Variants in ARID1A observed in about 807,000 individuals in gnomAD.
ARID1A encodes the protein AT-rich interaction domain 1A.
In ARID1A, 20 loss-of-function variants were observed where a neutral mutation model predicts 212.6. That is an observed-to-expected ratio of 0.09 (90% confidence interval 0.07 to 0.14). ARID1A has a LOEUF of 0.14. Ranked by LOEUF, ARID1A falls within the 10% of genes least tolerant of loss-of-function variation. The probability of loss-of-function intolerance (pLI) is 1.00; values close to 1 mark genes in which losing one functional copy is unlikely to be tolerated. For missense variants in ARID1A, 2,587 were observed against 3,059.0 expected, an observed-to-expected ratio of 0.85 and a Z score of 3.64; for synonymous variants, 1,376 against 1,222.1, an observed-to-expected ratio of 1.13 and a Z score of -2.63.
chr1:26,780,836 G>T lies in ARID1A; in HGVS notation c.*80G>T. On this transcript the variant is annotated 3_prime_UTR_variant, in exon 20 of 20. Coordinates refer to ENST00000324856, the MANE Select transcript of ARID1A (RefSeq NM_006015.6). The surrounding 1 kb of genome is among the most constrained non-coding windows in gnomAD (Gnocchi z 7.2). ...AAACTGACTGTTGCCCTTTATTTAT[G>T]CAAAACCACCTCAGAATCCAGTTTA... 3 of 1,486,692 alleles carry T rather than the reference G, an allele frequency of 2.0e-6. No individual in the cohort carries two copies. The highest frequency in any genetic ancestry group is 2.7e-6 in the Non-Finnish European group (3 of 1,116,200). 92.1% of individuals were successfully genotyped at this position (1,486,692 alleles called of 1,614,324 possible).
intron 1 of ARID1A, among the ~76,000 whole-genome samples, chr1:26,727,060 T>C (rs957631636): frequency 4.6e-5 from 7 of 152,320 alleles, no homozygotes; most frequent in African/African-American, 1.7e-4. Context: ...CTGGTTCACA[T>C]TGTAGAGGGC....
In ARID1A at chr1:26,745,527, A is replaced by T. The variant is rs185773302; in HGVS notation, c.1920+12735A>T. 3.1e-3 allele frequency among the ~76,000 whole-genome samples: 474 copies of T among 152,304 alleles called. 1 individual carries two copies. Among genetic ancestry groups the T allele is most frequent in the Non-Finnish European group, 4.3e-3 (294 of 68,010 alleles). The stretch of plus-strand genomic sequence containing the variant: ...TACAATTAGAGAAAGAATAGAATGG[A>T]GGCTGCATGAACTAGCCCAACAGAA... On this transcript the variant is annotated intron_variant, in intron 4 of 19. Transcript: ENST00000324856.
chr1:26,733,187 CA>C (rs1157251872), intron 4 of ARID1A, among the ~76,000 whole-genome samples: 2 of 152,068 alleles, frequency 1.3e-5, no homozygotes, highest in Non-Finnish European at 2.9e-5. Flanking sequence ...TGGAGCAATT[CA>C]GCATGCATTG....
rs1431017194 is a variant in ARID1A at position 26,696,666 on chromosome 1, C to G, written c.263C>G (p.Ala88Gly). 1.5e-6 allele frequency: 2 copies of G among 1,315,076 alleles called. No homozygotes were observed. Among genetic ancestry groups the G allele is most frequent in the Non-Finnish European group, 1.9e-6 (2 of 1,034,910 alleles). The allele number at this position is 1,315,076 out of a possible 1,614,324, so 81.5% of individuals were successfully genotyped here. The change falls in exon 1 of 20, where the codon GCC becomes GGC. Residue 88 changes from alanine (A) to glycine (G), a missense_variant. By Grantham distance (60) the Ala-to-Gly change is moderately conservative (BLOSUM62 0). Around this residue, in one of 11 missense-constraint regions of ARID1A, gnomAD observed 735 missense variants for 590.6 expected, o/e 1.24. Coordinates refer to ENST00000324856, the MANE Select transcript of ARID1A (RefSeq NM_006015.6). ...ESNGGGGGGGAGSGGGPGAEP... is the reference protein window; with the variant it reads ...ESNGGGGGGGGGSGGGPGAEP... ...AATGGGGGTGGCGGCGGCGGCGGAGCCGGCAGCGGCGGCGGGCCCGGCGCG... is the reference window on the plus strand; with the variant it reads ...AATGGGGGTGGCGGCGGCGGCGGAGGCGGCAGCGGCGGCGGGCCCGGCGCG...
At position 26,696,953 on chromosome 1, in the gene ARID1A, C is replaced by A. The variant is rs761025553; in HGVS notation, c.550C>A (p.Leu184Met). The stretch of plus-strand genomic sequence containing the variant: ...ACAACAAAGCCCTGGCCTGGCAGCG[C>A]TGCAGAGCGGCGGCGGCGGGGGCCT... ...GGQQSPGLAA[L>M]QSGGGGGLEP... is the part of the protein sequence containing the mutation. The change falls in exon 1 of 20, where the codon CTG (leucine) becomes ATG (methionine). Residue 184 changes from leucine (L) to methionine (M), a missense_variant. Physicochemically the swap from Leu to Met is conservative, Grantham distance 15. Transcript: ENST00000324856. 1.4e-6 allele frequency: 2 copies of A among 1,469,770 alleles called. No homozygotes were observed. Among genetic ancestry groups the A allele is most frequent in the Non-Finnish European group, 1.8e-6 (2 of 1,117,228 alleles). The allele number at this position is 1,469,770 out of a possible 1,614,324, so 91.0% of individuals were successfully genotyped here.
At chr1:26,733,090 T>C (rs2080696216) in intron 4 of ARID1A, among the ~76,000 whole-genome samples, 1 of 152,162 alleles carries the variant, frequency 6.6e-6, no homozygotes. Context: ...TCCATCAAAG[T>C]TGAGAAAAAT....
At chr1:26,737,505 C>A (rs1186900562) in intron 4 of ARID1A, among the ~76,000 whole-genome samples, 1 of 152,116 alleles carries the variant, frequency 6.6e-6, no homozygotes. Flanking sequence ...ATGTGATGCC[C>A]AAGACCAGTG....
At chr1:26,735,677 A>G (rs2080722561) in intron 4 of ARID1A, among the ~76,000 whole-genome samples, 1 of 152,190 alleles carries the variant, frequency 6.6e-6, no homozygotes, top group African/African-American at 2.4e-5. Flanking sequence ...TTTCTCATTC[A>G]GTAGGTCTGG....
chr1:26,760,055 C>G (rs2080976444), intron 4 of ARID1A, among the ~76,000 whole-genome samples: 1 of 152,166 alleles, frequency 6.6e-6, no homozygotes, highest in South Asian at 2.1e-4. Flanking sequence ...ATAAATGTTT[C>G]CCAAACTTGT....
At chr1:26,737,636 TG>T (rs1248315454) in intron 4 of ARID1A, among the ~76,000 whole-genome samples, 1 of 151,822 alleles carries the variant, frequency 6.6e-6, no homozygotes. Flanking sequence ...GAGGCTGAGG[TG>T]GGCGGATCAC....
chr1:26,764,104 G>T (rs1183860893), intron 8 of ARID1A, among the ~76,000 whole-genome samples: 1 of 152,012 alleles, frequency 6.6e-6, no homozygotes, highest in Admixed American at 6.6e-5. Flanking sequence ...CAAGTAGCTG[G>T]TGTTACAGGC....
intron 4 of ARID1A, among the ~76,000 whole-genome samples, chr1:26,757,898 A>G (rs761131408): frequency 6.6e-6 from 1 of 152,074 alleles, no homozygotes; most frequent in Non-Finnish European, 1.5e-5. Context: ...TCGGCCTCCT[A>G]AAGTGCTGGG....
chr1:26,744,850 G>A (rs781033047), intron 4 of ARID1A, among the ~76,000 whole-genome samples: 75 of 150,892 alleles, frequency 5.0e-4, no homozygotes, highest in Non-Finnish European at 1.2e-4. Flanking sequence ...CCCCCTCAGA[G>A]CTTAGGGTGA....
Position 26,779,210 on chromosome 1 carries a change from C to T in ARID1A, c.5312C>T (p.Pro1771Leu), listed in dbSNP as rs2081166554. The T allele has an allele frequency of 6.2e-7, 1 of 1,613,168 alleles. No individual in the cohort carries two copies. Among genetic ancestry groups the T allele is most frequent in the Admixed American group, 1.7e-5 (1 of 59,940 alleles). The part of the protein sequence containing the change: ...GGEEEEELLG[P>L]KLEEEEEEEV... ...GAAGAAGAAGAAGAACTTCTAGGTCCTAAACTAGAAGAGGAAGAAGAAGAG... is the reference window on the plus strand; with the variant it reads ...GAAGAAGAAGAAGAACTTCTAGGTCTTAAACTAGAAGAGGAAGAAGAAGAG... Residue 1771 changes from proline to leucine, a missense_variant, in exon 20 of 20, where the codon CCT (proline) becomes CTT (leucine). Physicochemically the swap from Pro to Leu is moderately conservative, Grantham distance 98. Transcript: ENST00000324856.
At chr1:26,778,819 G>A in intron 19 of ARID1A, 1 of 468,866 alleles carries the variant, frequency 2.1e-6, no homozygotes. Context: ...CTTACGTGAA[G>A]GTAGGTTGGG....
At position 26,781,867 on chromosome 1, in the gene ARID1A, C is replaced by G. The variant is rs1428252222; in HGVS notation, c.*1111C>G. 1 of 233,426 alleles carries G rather than the reference C, an allele frequency of 4.3e-6. No homozygotes were observed. Among genetic ancestry groups the G allele is most frequent in the Non-Finnish European group, 8.5e-6 (1 of 118,012 alleles). 14.5% of individuals were successfully genotyped at this position (233,426 alleles called of 1,614,324 possible). On this transcript the variant is annotated 3_prime_UTR_variant, in exon 20 of 20. Coordinates refer to ENST00000324856, the MANE Select transcript of ARID1A (RefSeq NM_006015.6). ...CTGGGTTTTTGTTTTGTTTTGTTTT[C>G]TTTCTAATCGAGGTGTGAAAAAGTT...
Position 26,772,734 on chromosome 1 carries a change from C to T in ARID1A, c.3540-78C>T, listed in dbSNP as rs1055180017. The T allele has an allele frequency of 4.4e-6, 7 of 1,605,986 alleles. No homozygotes were observed. The African/African-American group carries it at 9.4e-5, about 21-fold the overall frequency. On this transcript the variant is annotated intron_variant, in intron 13 of 19. Coordinates refer to ENST00000324856, the MANE Select transcript of ARID1A (RefSeq NM_006015.6). ...TGGTCCTTGCCTCTGCCTTCCCAGCCAGTGACTCCTGCGTGTCCTTTGTTA... is the reference window on the plus strand; with the variant it reads ...TGGTCCTTGCCTCTGCCTTCCCAGCTAGTGACTCCTGCGTGTCCTTTGTTA...
chr1:26,778,755 AT>A (rs1367409310), intron 19 of ARID1A: 20 of 339,620 alleles, frequency 5.9e-5, no homozygotes, highest in Non-Finnish European at 1.1e-4. Flanking sequence ...CTAAGAGATG[AT>A]TGGCCCTGGT....
In ARID1A at chr1:26,696,263, C is replaced by G. The variant is rs993051588; in HGVS notation, c.-141C>G. On this transcript the variant is annotated 5_prime_UTR_variant, in exon 1 of 20. Transcript: ENST00000324856. The stretch of plus-strand genomic sequence containing the variant: ...GGGGCGGGGGGGAGAGGAGCGAGCG[C>G]AGCGCAGCAGCGGAGCCCCGCGAGG... 34 of 1,024,276 alleles carry G rather than the reference C, an allele frequency of 3.3e-5. No homozygotes were observed. The African/African-American group carries it at 5.4e-4, about 16-fold the overall frequency. The allele number at this position is 1,024,276 out of a possible 1,614,324, so 63.4% of individuals were successfully genotyped here.
Sources: allele counts gnomAD v4.1 joint callset (sites outside exome capture counted in the v4.1 genomes callset), GRCh38; gene constraint gnomAD v4.1.1; regional missense constraint gnomAD v4.1.1; non-coding constraint Gnocchi (gnomAD v3.1); transcripts MANE v1.5; gene names NCBI Gene and HGNC (gene_info 2026-07-23, HGNC 2026-07-21).